The following CORO7 variants were observed in gnomAD, a reference collection of about 807,000 sequenced individuals.
CORO7 encodes the protein coronin 7.
A neutral mutation model predicts 126.6 loss-of-function variants in CORO7; 107 were observed. That is an observed-to-expected ratio of 0.85 (90% CI 0.72 to 0.99). CORO7 has a LOEUF of 0.99. CORO7 is among the 50% of genes least tolerant of loss of function. The probability of loss-of-function intolerance (pLI) is 0.00; values close to 1 mark genes in which losing one functional copy is unlikely to be tolerated. For missense variants in CORO7, 1,314 were observed against 1,255.8 expected (o/e 1.05, Z -0.70); for synonymous variants, 603 against 536.8 (o/e 1.12, Z -1.70).
chr16:4,361,112 G>A (rs750006096), intron 18 of CORO7, 27 bp from the exon 19 acceptor site: 1 of 1,613,326 alleles, frequency 6.2e-7, no homozygotes, highest in South Asian at 1.1e-5. Context: ...GTGATCAGGA[G>A]CCCTTGGGAG....
intron 3 of CORO7, among the ~76,000 whole-genome samples, chr16:4,410,584 T>C (rs1055492249): frequency 1.3e-5 from 2 of 152,212 alleles, no homozygotes; most frequent in African/African-American, 4.8e-5. Context: ...TGAGATTAGA[T>C]GAGAACAGAC....
At chr16:4,390,441 G>A (rs922197041) in intron 7 of CORO7, among the ~76,000 whole-genome samples, 3 of 152,326 alleles carry the variant, frequency 2.0e-5, no homozygotes, top group East Asian at 3.9e-4. Flanking sequence ...GCAGGGTACC[G>A]CCAGACTGTA....
At chr16:4,359,057 C>A in intron 23 of CORO7, 1 of 567,634 alleles carries the variant, frequency 1.8e-6, no homozygotes, top group Non-Finnish European at 3.0e-6. Flanking sequence ...GATTCCAGGC[C>A]ACCGTACCCG....
At chr16:4,390,246 C>A in intron 7 of CORO7, among the ~76,000 whole-genome samples, 1 of 152,108 alleles carries the variant, frequency 6.6e-6, no homozygotes, top group East Asian at 1.9e-4. Flanking sequence ...CAGTCACTAG[C>A]TCTGTGCCTC....
intron 6 of CORO7, among the ~76,000 whole-genome samples, chr16:4,398,511 C>G (rs1430072368): frequency 6.6e-6 from 1 of 151,802 alleles, no homozygotes; most frequent in Admixed American, 6.6e-5. Context: ...ACTAAAAATA[C>G]AAAAATTAGC....
Position 4,364,928 on chromosome 16 carries a change from G to C in CORO7, c.899-8C>G. 1 of 1,609,792 alleles carries C rather than the reference G, an allele frequency of 6.2e-7. No individual in the cohort carries two copies. Among genetic ancestry groups the C allele is most frequent in the African/African-American group, 1.3e-5 (1 of 75,000 alleles). On this transcript the variant is annotated splice_region_variant and splice_polypyrimidine_tract_variant and intron_variant, in intron 11 of 27. Coordinates refer to ENST00000251166, the MANE Select transcript of CORO7 (RefSeq NM_024535.5). ...CCAGGACACACTGGGTCACTGTTGA[G>C]GACACCATAGGGGAACAGGCAGGAT... is the stretch of plus-strand genomic sequence containing the variant.
intron 9 of CORO7, chr16:4,383,648 C>G (rs972664346): frequency 1.8e-5 from 3 of 166,364 alleles, no homozygotes; most frequent in African/African-American, 7.2e-5. Flanking sequence ...TCCCAGGTGT[C>G]CTGACCTGGG....
chr16:4,367,715 A>AGGT (rs1195772985), intron 9 of CORO7, among the ~76,000 whole-genome samples: 1 of 152,160 alleles, frequency 6.6e-6, no homozygotes, highest in East Asian at 1.9e-4. Context: ...GTCCTGTGGC[A>AGGT]GGTGGGTTCA....
At position 4,360,568 on chromosome 16, in the gene CORO7, T is replaced by C. The variant is rs377184466; in HGVS notation, c.1918-20A>G. On this transcript the variant is annotated intron_variant, in intron 19 of 27. Transcript: ENST00000251166. ...GAAGATCTGGGGGCAGGAAGGGATA[T>C]GAGAGACAGCCTTGCTTCACTGCTG... 3 of 1,578,002 alleles carry C rather than the reference T, an allele frequency of 1.9e-6. No homozygotes were observed. The highest frequency in any genetic ancestry group is 2.6e-6 in the Non-Finnish European group (3 of 1,162,880).
At chr16:4,374,983 C>T (rs543353634) in intron 9 of CORO7, among the ~76,000 whole-genome samples, 2 of 152,130 alleles carry the variant, frequency 1.3e-5, no homozygotes, top group African/African-American at 4.8e-5. Flanking sequence ...GGGCCCAGCC[C>T]TGGTGGCATC....
chr16:4,393,601 G>A (rs1049437999), intron 7 of CORO7, among the ~76,000 whole-genome samples: 1 of 152,268 alleles, frequency 6.6e-6, no homozygotes, highest in African/African-American at 2.4e-5. Flanking sequence ...GGGGCTCTGG[G>A]GCTCCGGGCT....
rs1455310400 is a variant in CORO7 at position 4,391,542 on chromosome 16, CAA to C, written c.616-2913_616-2912del. Among the ~76,000 whole-genome samples the C allele has an allele frequency of 2.0e-5, 3 of 151,108 alleles. No individual in the cohort carries two copies. In the East Asian group the frequency reaches 5.8e-4, roughly 29 times the overall value. On this transcript the variant is annotated intron_variant, in intron 7 of 27. Transcript: ENST00000251166. ...CTGTGCTCCAGCCTGGGTGACAGAG[CAA>C]GACTCTATCTCAAAAAACAAACAAA...
intron 9 of CORO7, chr16:4,382,596 C>T: frequency 6.3e-7 from 1 of 1,589,232 alleles, no homozygotes; most frequent in Non-Finnish European, 8.6e-7. Context: ...GCGAGGGCAA[C>T]CTGCCGCTCC....
In CORO7 at chr16:4,362,805, C is replaced by T. The variant is rs78351211; in HGVS notation, c.1276-67G>A. The T allele has an allele frequency of 4.4e-3, 5,589 of 1,276,906 alleles. 178 individuals are homozygous for T. In the African/African-American group the frequency reaches 0.067, roughly 15 times the overall value. 79.1% of individuals were successfully genotyped at this position (1,276,906 alleles called of 1,614,324 possible). On this transcript the variant is annotated intron_variant, in intron 14 of 27. Transcript: ENST00000251166. The surrounding 1 kb of genome is among the most constrained non-coding windows in gnomAD (Gnocchi z 5.3). The stretch of plus-strand genomic sequence containing the variant: ...ACTGGCCAAAAGGAGGGGGTGCCAG[C>T]GGACTCCAGGGTCACCACTCTGGGC...
chr16:4,359,220 T>C (rs962936852), intron 23 of CORO7, 76 bp downstream of exon 23: 6 of 1,471,576 alleles, frequency 4.1e-6, no homozygotes, highest in Non-Finnish European at 5.5e-6. Context: ...CAGGCTCCTG[T>C]ACTTGCCCAC....
chr16:4,394,044 C>T (rs924357408), intron 7 of CORO7, among the ~76,000 whole-genome samples: 3 of 151,508 alleles, frequency 2.0e-5, no homozygotes, highest in African/African-American at 4.9e-5. Flanking sequence ...GAGTTTCCAG[C>T]GAGCCGAGAT....
chr16:4,380,779 G>A (rs2054927958), intron 9 of CORO7: 7 of 1,331,070 alleles, frequency 5.3e-6, no homozygotes, highest in Non-Finnish European at 7.0e-6. Flanking sequence ...GGGGGCAGAA[G>A]CAGTGAATTC....
Position 4,362,547 on chromosome 16 carries a change from A to G in CORO7, c.1402+65T>C. ...GCTCAGCAGTAGGGTACACAGGAGG[A>G]TGACGGGGAGTGGGGCAGACAGGGC... is the stretch of plus-strand genomic sequence containing the variant. On this transcript the variant is annotated intron_variant, in intron 15 of 27. Transcript: ENST00000251166. The surrounding 1 kb of genome is among the most constrained non-coding windows in gnomAD (Gnocchi z 5.3). 2.0e-6 allele frequency: 3 copies of G among 1,483,178 alleles called. No homozygotes were observed. The highest frequency in any genetic ancestry group is 2.7e-6 in the Non-Finnish European group (3 of 1,118,164). 91.9% of individuals were successfully genotyped at this position (1,483,178 alleles called of 1,614,324 possible). A position where few individuals can be genotyped will look rare whatever the true frequency, so the allele number is the denominator to read the frequency against.
chr16:4,359,729 CCT>C, intron 21 of CORO7, 108 bp from the exon 22 acceptor site: 1 of 1,401,388 alleles, frequency 7.1e-7, no homozygotes, highest in Non-Finnish European at 9.5e-7. Context: ...GTAGGCGAGG[CCT>C]AGTGTGGCCC....
Sources: allele counts gnomAD v4.1 joint callset (sites outside exome capture counted in the v4.1 genomes callset), GRCh38; gene constraint gnomAD v4.1.1; non-coding constraint Gnocchi (gnomAD v3.1); transcripts MANE v1.5; gene names NCBI Gene and HGNC (gene_info 2026-07-23, HGNC 2026-07-21).